SAMHD1: variants seen among roughly 807,000 people sequenced by gnomAD.
SAMHD1 encodes the protein deoxynucleoside triphosphate triphosphohydrolase SAMHD1.
In SAMHD1, 54 loss-of-function variants were observed where a neutral mutation model predicts 79.6. The ratio of observed to expected loss-of-function variants is 0.68; its 90% CI spans 0.55 to 0.85. SAMHD1 has a LOEUF of 0.85. Among genes scored for constraint, SAMHD1 ranks in the 40% least tolerant of loss-of-function variants. The pLI is 0.00. For synonymous variants in SAMHD1, 260 were observed against 264.1 expected (o/e 0.98, Z 0.15); for missense variants, 663 against 782.7 (o/e 0.85, Z 1.82).
At chr20:36,913,942 C>T (rs1250299353) in intron 9 of SAMHD1, among the ~76,000 whole-genome samples, 2 of 151,828 alleles carry the variant, frequency 1.3e-5, no homozygotes, top group Non-Finnish European at 2.9e-5. Context: ...TCAGTAGAGA[C>T]AGGGTTTCAC....
intron 15 of SAMHD1, 150 bp from the exon 16 acceptor site, chr20:36,893,216 T>A: frequency 3.2e-6 from 3 of 931,834 alleles, no homozygotes; most frequent in Non-Finnish European, 4.9e-6. Flanking sequence ...AAATTACATA[T>A]GCCCTGTGCT....
chr20:36,931,218 G>T (rs1481991462), intron 4 of SAMHD1, among the ~76,000 whole-genome samples: 1 of 152,222 alleles, frequency 6.6e-6, no homozygotes, highest in African/African-American at 2.4e-5. Context: ...TGTTAGTGGG[G>T]ATGTATTATG....
chr20:36,894,809 C>T lies in SAMHD1; in HGVS notation c.1747-1743G>A, dbSNP rs181228641. On this transcript the variant is annotated intron_variant, in intron 15 of 15. Transcript: ENST00000646673. The stretch of plus-strand genomic sequence containing the variant: ...TTGTCATGATACTTGTACTTAAAGG[C>T]CTATCTCAAAATCAACAGTATTTAT... 1.2e-3 allele frequency among the ~76,000 whole-genome samples: 180 copies of T among 151,996 alleles called. 1 individual carries two copies. The highest frequency in any genetic ancestry group is 1.0e-3 in the Non-Finnish European group (69 of 67,914).
intron 6 of SAMHD1, among the ~76,000 whole-genome samples, chr20:36,926,280 CAT>C (rs975036782): frequency 6.6e-6 from 1 of 152,130 alleles, no homozygotes; most frequent in African/African-American, 2.4e-5. Context: ...AGGCACATAA[CAT>C]GAACAAATCT....
At chr20:36,940,045 A>G (rs2063631687) in intron 3 of SAMHD1, 1 of 152,096 alleles carries the variant, frequency 6.6e-6, no homozygotes, top group Non-Finnish European at 1.5e-5. Flanking sequence ...ACTCTACTAA[A>G]AATGCAAAAA....
chr20:36,924,530 ATTAG>A (rs1041314196), intron 6 of SAMHD1, among the ~76,000 whole-genome samples: 4 of 152,148 alleles, frequency 2.6e-5, no homozygotes, highest in African/African-American at 7.2e-5. Context: ...CAGAAATAAC[ATTAG>A]TTAGTGATTG....
rs1364012577 is a variant in SAMHD1 at position 36,930,800 on chromosome 20, A to G, written c.585T>C (p.Asp195=). The G allele has an allele frequency of 1.2e-6, 2 of 1,613,946 alleles. No homozygotes were observed. The highest frequency in any genetic ancestry group is 1.7e-6 in the Non-Finnish European group (2 of 1,179,892). ...GTCCAGCAATCTGAACACAGAGAAC[A>G]TCTCGTTCACTTATCTGCAGCTCTG... ...KQPELQISER[D]VLCVQIAGLC... The change falls in exon 5 of 16, where the codon GAT becomes GAC. Residue 195 remains aspartate (D), a synonymous_variant. Coordinates refer to ENST00000646673, the MANE Select transcript of SAMHD1 (RefSeq NM_015474.4).
At chr20:36,933,406 C>T (rs898454296) in intron 4 of SAMHD1, among the ~76,000 whole-genome samples, 1 of 152,172 alleles carries the variant, frequency 6.6e-6, no homozygotes, top group Non-Finnish European at 1.5e-5. Flanking sequence ...GAAAGAGCAA[C>T]TCTGTACCAG....
chr20:36,948,937 C>T (rs1243504901), intron 1 of SAMHD1, among the ~76,000 whole-genome samples: 2 of 150,626 alleles, frequency 1.3e-5, no homozygotes, highest in African/African-American at 4.9e-5. Flanking sequence ...GAGAAAGCTC[C>T]AATATCAGAT....
rs374493682 is a variant in SAMHD1, at chr20:36,951,688, G to T, written c.-45C>A. On this transcript the variant is annotated 5_prime_UTR_variant, in exon 1 of 16. Coordinates refer to ENST00000646673, the MANE Select transcript of SAMHD1 (RefSeq NM_015474.4). ...CACAGCAGTCAAGAACCTCGGCGCC[G>T]GACCCGCGCGCAGGCGCACTGACAG... 8 of 1,609,496 alleles carry T rather than the reference G, an allele frequency of 5.0e-6. No homozygotes were observed. In the African/African-American group the frequency reaches 6.7e-5, roughly 13 times the overall value.
intron 15 of SAMHD1, 55 bp downstream of exon 15, chr20:36,897,767 G>T: frequency 2.5e-6 from 4 of 1,606,774 alleles, no homozygotes; most frequent in South Asian, 1.1e-5. Flanking sequence ...CTTACTTTTG[G>T]TTTTTACTTA....
At position 36,944,677 on chromosome 20, in the gene SAMHD1, C is replaced by T. The variant is rs185294550; in HGVS notation, c.275+2061G>A. ...TGGGAGGACGAGGTGGGTGGATCAC[C>T]TGAGGTCGGGAGTTCGAGACCAGCC... On this transcript the variant is annotated intron_variant, in intron 2 of 15. Transcript: ENST00000646673. Among the ~76,000 whole-genome samples the T allele has an allele frequency of 2.3e-3, 353 of 152,190 alleles. 6 individuals are homozygous for T. The highest frequency in any genetic ancestry group is 8.2e-3 in the African/African-American group (342 of 41,534).
intron 6 of SAMHD1, among the ~76,000 whole-genome samples, chr20:36,921,984 C>T (rs549033940): frequency 1.3e-5 from 2 of 152,240 alleles, no homozygotes; most frequent in African/African-American, 4.8e-5. Context: ...CCACTGCGTC[C>T]GATCTGGACA....
At chr20:36,910,220 A>T (rs1471576151) in intron 11 of SAMHD1, among the ~76,000 whole-genome samples, 1 of 92,402 alleles carries the variant, frequency 1.1e-5, no homozygotes, top group Non-Finnish European at 2.1e-5. Context: ...AAGACTCCGT[A>T]TCAAAAAAAA....
At chr20:36,895,884 T>C (rs1041795717) in intron 15 of SAMHD1, among the ~76,000 whole-genome samples, 8 of 152,092 alleles carry the variant, frequency 5.3e-5, no homozygotes, top group Non-Finnish European at 1.5e-5. Flanking sequence ...ACTAAGCATG[T>C]ACAGAATTTC....
rs142826060 is a variant in SAMHD1 at position 36,894,349 on chromosome 20, G to A, written c.1747-1283C>T. 735 of 153,474 alleles carry A rather than the reference G, an allele frequency of 4.8e-3. 12 individuals carry two copies. Among genetic ancestry groups the A allele is most frequent in the East Asian group, 0.027 (143 of 5,208 alleles). The allele number at this position is 153,474 out of a possible 1,614,324, so 9.5% of individuals were successfully genotyped here. ...CCTCCAGGGTTCAAGCGATTCTCCC[G>A]CCTCAGCCTCCCAAGTAGCTGGGAT... On this transcript the variant is annotated intron_variant, in intron 15 of 15. Transcript: ENST00000646673.
chr20:36,931,210 T>C (rs763722318), intron 4 of SAMHD1, among the ~76,000 whole-genome samples: 8 of 152,206 alleles, frequency 5.3e-5, no homozygotes. Flanking sequence ...CTGTGCACTG[T>C]TAGTGGGGAT....
At chr20:36,894,425 G>A (rs1990158676) in intron 15 of SAMHD1, among the ~76,000 whole-genome samples, 1 of 151,256 alleles carries the variant, frequency 6.6e-6, no homozygotes, top group Non-Finnish European at 1.5e-5. Flanking sequence ...TAGAGATGGG[G>A]TTTCACTATG....
intron 4 of SAMHD1, among the ~76,000 whole-genome samples, chr20:36,933,085 T>C (rs2063578027): frequency 6.6e-6 from 1 of 152,150 alleles, no homozygotes; most frequent in Admixed American, 6.6e-5. Flanking sequence ...TTTTGTGGTT[T>C]GGTAGGGCTT....
Sources: gnomAD v4.1 joint callset for allele counts (sites outside exome capture counted in the v4.1 genomes callset) on GRCh38, gnomAD v4.1.1 for gene constraint, MANE v1.5 for transcripts, NCBI Gene and HGNC (gene_info 2026-07-23, HGNC 2026-07-21) for gene names.